GULP1: variants seen among roughly 807,000 people sequenced by gnomAD.
GULP1 encodes GULP PTB domain containing engulfment adaptor 1, also known as PTB domain-containing engulfment adapter protein 1.
Under a neutral mutation model 40.9 loss-of-function variants are expected in GULP1, and 19 were observed. That is an observed-to-expected ratio of 0.46 (90% CI 0.32 to 0.68). The LOEUF (loss-of-function observed/expected upper bound fraction) is 0.68, where lower values mean the gene tolerates loss of function less well. Among genes scored for constraint, GULP1 ranks in the 30% least tolerant of loss-of-function variants. The pLI is 0.03. For synonymous variants in GULP1, 119 were observed against 117.6 expected, an observed-to-expected ratio of 1.01 and a Z score of -0.08; for missense variants, 312 against 362.2, an observed-to-expected ratio of 0.86 and a Z score of 1.12.
At chr2:188,528,131 G>A (rs1266722463) in intron 5 of GULP1, among the ~76,000 whole-genome samples, 5 of 151,998 alleles carry the variant, frequency 3.3e-5, no homozygotes, top group Non-Finnish European at 7.4e-5. Flanking sequence ...AGGAATGTAG[G>A]GAGAGAGTAA....
intron 4 of GULP1, among the ~76,000 whole-genome samples, chr2:188,494,709 C>G (rs2062734705): frequency 6.6e-6 from 1 of 152,008 alleles, no homozygotes; most frequent in African/African-American, 2.4e-5. Context: ...TAAGTAGCAT[C>G]ACATTTTTCT....
intron 11 of GULP1, chr2:188,589,731 G>C (rs1365176782): frequency 7.2e-7 from 1 of 1,385,400 alleles, no homozygotes; most frequent in Non-Finnish European, 9.7e-7. Context: ...CTGCTTTCAT[G>C]GTGGGTAGCG....
intron 1 of GULP1, among the ~76,000 whole-genome samples, chr2:188,314,937 G>A (rs950875500): frequency 2.6e-5 from 4 of 152,056 alleles, no homozygotes; most frequent in Admixed American, 1.3e-4. Flanking sequence ...TATCAGATCT[G>A]CTGTCTTGGT....
chr2:188,499,973 A>G (rs1247058517), intron 4 of GULP1, among the ~76,000 whole-genome samples: 1 of 151,794 alleles, frequency 6.6e-6, no homozygotes, highest in Admixed American at 6.6e-5. Context: ...AAAAAAATAT[A>G]TATTTAGTTC....
intron 6 of GULP1, among the ~76,000 whole-genome samples, chr2:188,533,816 G>GA (rs1372680588): frequency 6.6e-6 from 1 of 151,944 alleles, no homozygotes; most frequent in African/African-American, 2.4e-5. Flanking sequence ...TAAAAAGTGG[G>GA]AAAAAGAAAC....
chr2:188,541,073 C>A, intron 6 of GULP1, 108 bp from the exon 7 acceptor site: 1 of 896,476 alleles, frequency 1.1e-6, no homozygotes, highest in Non-Finnish European at 1.7e-6. Flanking sequence ...CAAAGATTGA[C>A]AGATGATTGT....
At chr2:188,575,572 A>G (rs1700007209) in intron 9 of GULP1, among the ~76,000 whole-genome samples, 1 of 152,216 alleles carries the variant, frequency 6.6e-6, no homozygotes, top group African/African-American at 2.4e-5. Flanking sequence ...CCTTCTAAGG[A>G]GGTAGCACTT....
intron 1 of GULP1, among the ~76,000 whole-genome samples, chr2:188,331,731 A>G (rs975369964): frequency 6.6e-6 from 1 of 152,210 alleles, no homozygotes; most frequent in African/African-American, 2.4e-5. Flanking sequence ...TCAAAATGTT[A>G]TCAATGCTTG....
chr2:188,411,976 T>A (rs1030361019), intron 2 of GULP1, among the ~76,000 whole-genome samples: 3 of 152,124 alleles, frequency 2.0e-5, no homozygotes, highest in Admixed American at 6.5e-5. Flanking sequence ...TGTGAACTGA[T>A]CATAGGGAAC....
chr2:188,309,533 G>C (rs1354118499), intron 1 of GULP1, among the ~76,000 whole-genome samples: 1 of 152,180 alleles, frequency 6.6e-6, no homozygotes, highest in Non-Finnish European at 1.5e-5. Context: ...ATATAAGAAA[G>C]AAGCTTCTGA....
intron 2 of GULP1, among the ~76,000 whole-genome samples, chr2:188,424,682 C>T (rs796426175): frequency 1.3e-5 from 2 of 151,916 alleles, no homozygotes; most frequent in African/African-American, 4.8e-5. Context: ...TAAATATAAC[C>T]TCTACTCTCT....
chr2:188,534,081 A>G (rs1688277686), intron 6 of GULP1, among the ~76,000 whole-genome samples: 2 of 152,180 alleles, frequency 1.3e-5, no homozygotes, highest in Admixed American at 6.5e-5. Context: ...GATTTCTCAA[A>G]TAACTTCAAA....
At chr2:188,445,809 T>C (rs2058335156) in intron 2 of GULP1, among the ~76,000 whole-genome samples, 1 of 152,192 alleles carries the variant, frequency 6.6e-6, no homozygotes, top group Non-Finnish European at 1.5e-5. Context: ...TTATTAATCC[T>C]AGGAGTTGAA....
intron 1 of GULP1, among the ~76,000 whole-genome samples, chr2:188,308,711 T>A (rs2037561801): frequency 6.6e-6 from 1 of 152,200 alleles, no homozygotes; most frequent in African/African-American, 2.4e-5. Context: ...CCATGGTGTG[T>A]AGTCTTGCTC....
chr2:188,477,580 A>G (rs2061114791), intron 2 of GULP1, 79 bp from the exon 3 acceptor site: 1 of 708,254 alleles, frequency 1.4e-6, no homozygotes, highest in Non-Finnish European at 2.4e-6. Flanking sequence ...AAAAGCCTTT[A>G]TAATTAAAAC....
rs191238176 is a variant in GULP1, at chr2:188,370,825, T to C, written c.-171-12938T>C. Among the ~76,000 whole-genome samples, 144 of 152,280 alleles carry C rather than the reference T, an allele frequency of 9.5e-4. 1 individual carries two copies. Among genetic ancestry groups the C allele is most frequent in the Non-Finnish European group, 1.7e-3 (115 of 68,012 alleles). On this transcript the variant is annotated intron_variant, in intron 1 of 11. Transcript: ENST00000409830. ...AGGGGGGATTGTCTTTAAGAGAATATACTTTCAAATGTATGTGTTACTTCC... is the reference window on the plus strand; with the variant it reads ...AGGGGGGATTGTCTTTAAGAGAATACACTTTCAAATGTATGTGTTACTTCC...
At chr2:188,516,261 G>A (rs2065160853) in intron 4 of GULP1, among the ~76,000 whole-genome samples, 1 of 152,058 alleles carries the variant, frequency 6.6e-6, no homozygotes, top group South Asian at 2.1e-4. Flanking sequence ...TTTCCTCATA[G>A]CCTGGAAACT....
At position 188,292,475 on chromosome 2, in the gene GULP1, C is replaced by A. The variant is rs966020192; in HGVS notation, c.-172+309C>A. Reference sequence around the variant, plus strand: ...GGTCGGGGACGCAGCGGTCTCCGGGCTCCAGAAACCTCCTTAGCCTTTTGT... The same window carrying A: ...GGTCGGGGACGCAGCGGTCTCCGGGATCCAGAAACCTCCTTAGCCTTTTGT... On this transcript the variant is annotated intron_variant, in intron 1 of 11. Transcript: ENST00000409830. The surrounding 1 kb of genome is among the most constrained non-coding windows in gnomAD (Gnocchi z 4.0). 6.6e-6 allele frequency among the ~76,000 whole-genome samples: 1 copy of A among 152,218 alleles called. No individual in the cohort carries two copies. Among genetic ancestry groups the A allele is most frequent in the African/African-American group, 2.4e-5 (1 of 41,466 alleles).
At chr2:188,427,192 G>A (rs1037172575) in intron 2 of GULP1, among the ~76,000 whole-genome samples, 1 of 152,144 alleles carries the variant, frequency 6.6e-6, no homozygotes, top group African/African-American at 2.4e-5. Context: ...GCAAATAAAT[G>A]ATGTAAAACT....
Sources: gnomAD v4.1 joint callset for allele counts (sites outside exome capture counted in the v4.1 genomes callset) on GRCh38, gnomAD v4.1.1 for gene constraint, Gnocchi (gnomAD v3.1) non-coding constraint, MANE v1.5 for transcripts, NCBI Gene and HGNC (gene_info 2026-07-23, HGNC 2026-07-21) for gene names.